EFCAB7: variants seen among roughly 807,000 people sequenced by gnomAD.
EFCAB7 encodes the protein EF-hand calcium-binding domain-containing protein 7.
Under a neutral mutation model 77.1 loss-of-function variants are expected in EFCAB7, and 66 were observed. The ratio of observed to expected loss-of-function variants is 0.86; its 90% confidence interval spans 0.70 to 1.05. The LOEUF is 1.05. EFCAB7 is among the 50% of genes least tolerant of loss of function. EFCAB7 has a pLI of 0.00. For missense variants in EFCAB7, 638 were observed against 730.5 expected (o/e 0.87, Z 1.46); for synonymous variants, 225 against 243.3 (o/e 0.92, Z 0.70).
chr1:63,542,867 T>C (rs1646846440), intron 6 of EFCAB7, among the ~76,000 whole-genome samples: 1 of 152,226 alleles, frequency 6.6e-6, no homozygotes, highest in African/African-American at 2.4e-5. Flanking sequence ...AATCCCTTTT[T>C]GGATATGTGA....
At chr1:63,584,564 A>C in the EFCAB7 span, among the ~76,000 whole-genome samples, 1 of 152,012 alleles carries the variant, frequency 6.6e-6, no homozygotes, top group African/African-American at 2.4e-5. Context: ...AAAAAGAAAA[A>C]AATTACAGTG....
intron 2 of EFCAB7, among the ~76,000 whole-genome samples, chr1:63,528,341 A>G (rs1052103282): frequency 7.9e-5 from 12 of 152,212 alleles, no homozygotes; most frequent in Non-Finnish European, 1.5e-5. Context: ...CAGAAAGGCA[A>G]ACATCACACA....
intron 10 of EFCAB7, among the ~76,000 whole-genome samples, chr1:63,560,532 T>C (rs1647084812): frequency 1.4e-5 from 2 of 146,946 alleles, no homozygotes; most frequent in Admixed American, 6.8e-5. Flanking sequence ...TTTTTTTTTT[T>C]TTGAGACTGA....
chr1:63,529,120 T>A (rs1646648605), intron 2 of EFCAB7: 1 of 152,164 alleles, frequency 6.6e-6, no homozygotes, highest in Admixed American at 6.5e-5. Context: ...CTAGGCAAAA[T>A]ACTTACTTAC....
At chr1:63,531,189 T>A (rs996343478) in intron 2 of EFCAB7, among the ~76,000 whole-genome samples, 3 of 152,018 alleles carry the variant, frequency 2.0e-5, no homozygotes, top group Admixed American at 2.0e-4. Context: ...GTACTTAAGT[T>A]CCCCTTCCCA....
chr1:63,577,022 C>G (rs758730872), downstream of EFCAB7, among the ~76,000 whole-genome samples: 3 of 150,324 alleles, frequency 2.0e-5, no homozygotes, highest in African/African-American at 7.4e-5. Flanking sequence ...TGGTGTGCAT[C>G]TGTAGTTCCA....
At position 63,558,773 on chromosome 1, in the gene EFCAB7, A is replaced by T. The variant is rs562475473; in HGVS notation, c.1348+1526A>T. On this transcript the variant is annotated intron_variant, in intron 10 of 13. Coordinates refer to ENST00000371088, the MANE Select transcript of EFCAB7 (RefSeq NM_032437.4). Reference sequence around the variant, plus strand: ...CTTTATTTTGTTTATTTATTTATTTATTTTTTTGAGATGGAGTCTCACACT... The same window carrying T: ...CTTTATTTTGTTTATTTATTTATTTTTTTTTTTGAGATGGAGTCTCACACT... 5.9e-5 allele frequency among the ~76,000 whole-genome samples: 9 copies of T among 151,722 alleles called. No homozygotes were observed. In the South Asian group the frequency reaches 1.0e-3, roughly 18 times the overall value.
downstream of EFCAB7, among the ~76,000 whole-genome samples, chr1:63,576,835 C>G (rs1557694138): frequency 7.0e-6 from 1 of 143,710 alleles, no homozygotes; most frequent in Non-Finnish European, 1.5e-5. Flanking sequence ...GACTCTGTCT[C>G]AAATAAATAA....
chr1:63,582,288 CA>C, the EFCAB7 span, among the ~76,000 whole-genome samples: 3 of 152,258 alleles, frequency 2.0e-5, no homozygotes, highest in Admixed American at 2.0e-4. Flanking sequence ...AGAAGCATAG[CA>C]AAGTCATGAC....
At chr1:63,542,009 A>C (rs1426389760) in intron 6 of EFCAB7, among the ~76,000 whole-genome samples, 1 of 152,142 alleles carries the variant, frequency 6.6e-6, no homozygotes, top group Non-Finnish European at 1.5e-5. Flanking sequence ...CACTAAGTAC[A>C]TTCACACTGT....
At chr1:63,539,884 T>C (rs1239481600) in intron 6 of EFCAB7, among the ~76,000 whole-genome samples, 1 of 152,218 alleles carries the variant, frequency 6.6e-6, no homozygotes, top group East Asian at 1.9e-4. Flanking sequence ...CTTGTCTAAA[T>C]GCTGTATAAC....
chr1:63,563,660 G>A (rs995238809), intron 11 of EFCAB7, among the ~76,000 whole-genome samples: 2 of 152,236 alleles, frequency 1.3e-5, no homozygotes. Flanking sequence ...TAACATAAGT[G>A]TGTTAATTGA....
At chr1:63,563,963 T>G (rs979868694) in intron 11 of EFCAB7, among the ~76,000 whole-genome samples, 7 of 151,804 alleles carry the variant, frequency 4.6e-5, no homozygotes, top group African/African-American at 1.7e-4. Flanking sequence ...TTTGCCCCCC[T>G]TTTTTTTCTG....
downstream of EFCAB7, among the ~76,000 whole-genome samples, chr1:63,573,833 G>A (rs931242990): frequency 1.3e-5 from 2 of 151,516 alleles, no homozygotes; most frequent in African/African-American, 4.9e-5. Flanking sequence ...GGATTGTCCA[G>A]TCCTTTTTAA....
chr1:63,567,969 G>A (rs896039286), intron 11 of EFCAB7, among the ~76,000 whole-genome samples: 1 of 152,122 alleles, frequency 6.6e-6, no homozygotes, highest in African/African-American at 2.4e-5. Flanking sequence ...AATTCTTTCT[G>A]TAACCCTCAC....
chr1:63,555,219 G>A (rs1647016619), intron 8 of EFCAB7, 139 bp from the exon 9 acceptor site: 10 of 936,740 alleles, frequency 1.1e-5, no homozygotes, highest in Admixed American at 3.0e-5. Flanking sequence ...AAGACTGATA[G>A]GACTATAATA....
chr1:63,551,789 A>G lies in EFCAB7; in HGVS notation c.1011A>G (p.Gln337=). ...ALYILKENES[Q]ANLQLVCFTE... is the part of the protein sequence containing the mutation. ...ATATTCTCAAGGAAAATGAGAGTCA[A>G]GCAAATCTACAGCTTGTGTGTTTTA... The change falls in exon 8 of 14, where the codon CAA becomes CAG. Residue 337 remains glutamine, a synonymous_variant. Coordinates refer to ENST00000371088, the MANE Select transcript of EFCAB7 (RefSeq NM_032437.4). 6.3e-7 allele frequency: 1 copy of G among 1,597,698 alleles called. No homozygotes were observed. Among genetic ancestry groups the G allele is most frequent in the Non-Finnish European group, 8.5e-7 (1 of 1,171,794 alleles).
chr1:63,525,875 G>C, intron 2 of EFCAB7, 116 bp downstream of exon 2: 1 of 691,950 alleles, frequency 1.4e-6, no homozygotes, highest in Non-Finnish European at 2.3e-6. Flanking sequence ...AGTGAAGCTT[G>C]AGCAATGGAA....
intron 2 of EFCAB7, among the ~76,000 whole-genome samples, chr1:63,526,412 G>C (rs1646590367): frequency 6.6e-6 from 1 of 152,056 alleles, no homozygotes; most frequent in African/African-American, 2.4e-5. Flanking sequence ...GTTTCATCAA[G>C]GCTAATAACT....
Sources: allele counts gnomAD v4.1 joint callset (sites outside exome capture counted in the v4.1 genomes callset), GRCh38; gene constraint gnomAD v4.1.1; transcripts MANE v1.5; gene names NCBI Gene and HGNC (gene_info 2026-07-23, HGNC 2026-07-21).